DHX40: variants seen among roughly 807,000 people sequenced by gnomAD.
DHX40 encodes DEAH-box helicase 40.
Under a neutral mutation model 89.6 loss-of-function variants are expected in DHX40, and 28 were observed. The ratio of observed to expected loss-of-function variants is 0.31; its 90% CI spans 0.23 to 0.43. The LOEUF is 0.43. Among genes scored for constraint, DHX40 ranks in the 20% least tolerant of loss-of-function variants. The pLI, the probability that DHX40 is intolerant of heterozygous loss-of-function variation, is 1.00. For synonymous variants in DHX40, 226 were observed against 283.6 expected (o/e 0.80, Z 2.04); for missense variants, 457 against 844.0 (o/e 0.54, Z 5.68).
chr17:59,571,665 C>T (rs889161975), intron 3 of DHX40, among the ~76,000 whole-genome samples: 1 of 151,514 alleles, frequency 6.6e-6, no homozygotes, highest in Non-Finnish European at 1.5e-5. Flanking sequence ...ACCTCCACTC[C>T]CTGCAACCTC....
At chr17:59,599,125 G>A (rs2030311620) in intron 13 of DHX40, among the ~76,000 whole-genome samples, 1 of 151,532 alleles carries the variant, frequency 6.6e-6, no homozygotes, top group Non-Finnish European at 1.5e-5. Flanking sequence ...AAAAATGATT[G>A]GATATTTGTT....
At chr17:59,594,821 G>A (rs1368451090) in intron 12 of DHX40, among the ~76,000 whole-genome samples, 1 of 151,718 alleles carries the variant, frequency 6.6e-6, no homozygotes, top group South Asian at 2.1e-4. Context: ...CTCTCGCATA[G>A]CCCTTCCACA....
chr17:59,577,312 A>G lies in DHX40; in HGVS notation c.1020A>G (p.Lys340=). ...TGCCACCACCACCTGGAATTAGAAA[A>G]TGTGTCATATCCACCAATATTTCTG... is the stretch of plus-strand genomic sequence containing the variant. ...IFLPPPPGIR[K]CVISTNISAT... is the part of the protein sequence containing the mutation. The change falls in exon 8 of 18, where the codon AAA becomes AAG. Residue 340 remains lysine (K), a synonymous_variant. Transcript: ENST00000251241. 1.2e-6 allele frequency: 2 copies of G among 1,613,984 alleles called. No homozygotes were observed. Among genetic ancestry groups the G allele is most frequent in the Non-Finnish European group, 1.7e-6 (2 of 1,179,860 alleles).
chr17:59,583,796 C>T (rs1342083564), intron 10 of DHX40, among the ~76,000 whole-genome samples: 4 of 99,748 alleles, frequency 4.0e-5, no homozygotes, highest in African/African-American at 9.5e-5. Flanking sequence ...AGGAGAATGG[C>T]GTGAACCCGG....
At chr17:59,606,160 C>G (rs916334626) in intron 17 of DHX40, among the ~76,000 whole-genome samples, 2 of 152,020 alleles carry the variant, frequency 1.3e-5, no homozygotes, top group Middle Eastern at 3.4e-3. Context: ...ATTCTCCTGC[C>G]TCAGCCTCCT....
At chr17:59,587,848 G>C in intron 11 of DHX40, 48 bp from the exon 12 acceptor site, 13 of 1,536,434 alleles carry the variant, frequency 8.5e-6, no homozygotes, top group Non-Finnish European at 1.2e-5. Context: ...TGTTACATTT[G>C]TACTCTCCTA....
intron 2 of DHX40, among the ~76,000 whole-genome samples, chr17:59,569,698 AAT>A (rs1339034424): frequency 7.1e-6 from 1 of 141,744 alleles, no homozygotes; most frequent in African/African-American, 2.7e-5. Context: ...AAAAGAAAAA[AAT>A]ATATATATAT....
At chr17:59,599,003 A>T in intron 13 of DHX40, 152 bp downstream of exon 13, 1 of 596,138 alleles carries the variant, frequency 1.7e-6, no homozygotes, top group Non-Finnish European at 3.1e-6. Flanking sequence ...ATGTCAGATG[A>T]CTATTGCTTA....
rs2030760441 is a variant in DHX40 at position 59,605,075 on chromosome 17, T to C, written c.1902-40T>C. On this transcript the variant is annotated intron_variant, in intron 15 of 17. Transcript: ENST00000251241. The stretch of plus-strand genomic sequence containing the variant: ...TAATGCTCCATTTACTTCATTGCTT[T>C]ACTGTTGTAGTCTTTATCATTTTGT... 6.5e-6 allele frequency: 10 copies of C among 1,546,148 alleles called. No individual in the cohort carries two copies. The East Asian group carries it at 2.0e-4, about 31-fold the overall frequency.
rs2697401 is a variant in DHX40, at chr17:59,575,470, A to T, written c.972A>T (p.Thr324=). The part of the protein sequence containing the change: ...LILPCYGSMT[T]DQQRRIFLPP... Reference sequence around the variant, plus strand: ...TGCCGTGTTATGGATCAATGACAACAGGTAATTTCTCATTAGAATAGAAAA... The same window carrying T: ...TGCCGTGTTATGGATCAATGACAACTGGTAATTTCTCATTAGAATAGAAAA... The change falls in exon 7 of 18, where the codon ACA becomes ACT. Residue 324 remains threonine, a splice_region_variant and synonymous_variant. Coordinates refer to ENST00000251241, the MANE Select transcript of DHX40 (RefSeq NM_024612.5). 1.3e-4 allele frequency: 209 copies of T among 1,610,326 alleles called. No homozygotes were observed. In the African/African-American group the frequency reaches 1.4e-3, roughly 11 times the overall value.
At chr17:59,586,071 A>T (rs1285908583) in intron 10 of DHX40, 82 bp from the exon 11 acceptor site, 69 of 956,748 alleles carry the variant, frequency 7.2e-5, no homozygotes, top group Non-Finnish European at 8.3e-5. Flanking sequence ...AAAACCTTTT[A>T]AAGAAATTTT....
chr17:59,581,439 C>G, intron 10 of DHX40, among the ~76,000 whole-genome samples: 1 of 42,000 alleles, frequency 2.4e-5, no homozygotes, highest in East Asian at 6.7e-4. Flanking sequence ...GGTAACCGTG[C>G]AGTTTTTAAA....
chr17:59,577,695 C>T (rs1332664364), intron 8 of DHX40, among the ~76,000 whole-genome samples: 1 of 151,932 alleles, frequency 6.6e-6, no homozygotes, highest in African/African-American at 2.4e-5. Flanking sequence ...TCAGCCAATC[C>T]TCCCGCCTCA....
chr17:59,567,179 G>C (rs908920318), intron 2 of DHX40, among the ~76,000 whole-genome samples: 1 of 152,118 alleles, frequency 6.6e-6, no homozygotes, highest in African/African-American at 2.4e-5. Flanking sequence ...GCATTATCAG[G>C]TAAATATTTA....
At chr17:59,605,887 C>T in intron 17 of DHX40, 1 of 611,128 alleles carries the variant, frequency 1.6e-6, no homozygotes, top group Non-Finnish European at 3.0e-6. Context: ...ATCGCTTGAA[C>T]CCAGGAGTTT....
intron 6 of DHX40, among the ~76,000 whole-genome samples, chr17:59,574,888 A>G (rs1182594919): frequency 2.0e-4 from 31 of 151,642 alleles, no homozygotes; most frequent in African/African-American, 3.9e-4. Flanking sequence ...AACTTTTCAA[A>G]TAGCAGCACC....
chr17:59,597,889 C>T (rs937819960), intron 12 of DHX40, among the ~76,000 whole-genome samples: 3 of 149,200 alleles, frequency 2.0e-5, no homozygotes, highest in Non-Finnish European at 3.0e-5. Flanking sequence ...GAGCCGAGAT[C>T]GCGCCACTAC....
intron 12 of DHX40, among the ~76,000 whole-genome samples, chr17:59,597,659 G>A (rs1346068850): frequency 6.6e-6 from 1 of 151,546 alleles, no homozygotes; most frequent in Non-Finnish European, 1.5e-5. Flanking sequence ...GGCTTGGGCC[G>A]GGCACGGTGG....
intron 13 of DHX40, 115 bp downstream of exon 13, chr17:59,598,966 G>C: frequency 1.7e-6 from 1 of 597,376 alleles, no homozygotes; most frequent in South Asian, 2.0e-5. Flanking sequence ...TGACTTCAAG[G>C]TATTTTGAAT....
Sources: allele counts gnomAD v4.1 joint callset (sites outside exome capture counted in the v4.1 genomes callset), GRCh38; gene constraint gnomAD v4.1.1; transcripts MANE v1.5; gene names NCBI Gene and HGNC (gene_info 2026-07-23, HGNC 2026-07-21).